PDSS2: variants seen among roughly 807,000 people sequenced by gnomAD.
PDSS2 encodes the protein decaprenyl diphosphate synthase subunit 2, also known as all trans-polyprenyl-diphosphate synthase PDSS2.
Under a neutral mutation model 44.5 loss-of-function variants are expected in PDSS2, and 31 were observed. That is an observed-to-expected ratio of 0.70 (90% CI 0.52 to 0.94). PDSS2 has a LOEUF of 0.94. PDSS2 is among the 40% of genes least tolerant of loss of function. The probability of loss-of-function intolerance (pLI) is 0.00; values close to 1 mark genes in which losing one functional copy is unlikely to be tolerated. For missense variants in PDSS2, 452 were observed against 482.2 expected, an observed-to-expected ratio of 0.94 and a Z score of 0.59; for synonymous variants, 157 against 180.3, an observed-to-expected ratio of 0.87 and a Z score of 1.03.
chr6:107,408,231 T>C (rs143159720), intron 1 of PDSS2, among the ~76,000 whole-genome samples: 437 of 152,252 alleles, frequency 2.9e-3, no homozygotes, highest in African/African-American at 0.01. Context: ...GGTTTCACCA[T>C]GTTGGCTAGG....
In PDSS2 at chr6:107,354,649, C is replaced by T. The variant is rs183547752; in HGVS notation, c.297-20317G>A. Among the ~76,000 whole-genome samples the T allele has an allele frequency of 7.3e-4, 111 of 152,326 alleles. 2 individuals carry two copies. Among genetic ancestry groups the T allele is most frequent in the Middle Eastern group, 3.4e-3 (1 of 294 alleles). On this transcript the variant is annotated intron_variant, in intron 1 of 7. Coordinates refer to ENST00000369037, the MANE Select transcript of PDSS2 (RefSeq NM_020381.4). ...ACCCTGTATCTGGAAGAAAGTCAGTCAGTCAGAAGGGGCTGTACAGTAGGC... is the reference window on the plus strand; with the variant it reads ...ACCCTGTATCTGGAAGAAAGTCAGTTAGTCAGAAGGGGCTGTACAGTAGGC...
intron 7 of PDSS2, among the ~76,000 whole-genome samples, chr6:107,168,989 C>G (rs144310184): frequency 1.3e-5 from 2 of 151,986 alleles, no homozygotes; most frequent in Non-Finnish European, 2.9e-5. Flanking sequence ...ATCTTTGTGG[C>G]GTTCTCTGTA....
At chr6:107,166,016 G>A (rs1262936960) in intron 7 of PDSS2, among the ~76,000 whole-genome samples, 1 of 152,108 alleles carries the variant, frequency 6.6e-6, no homozygotes, top group Non-Finnish European at 1.5e-5. Flanking sequence ...CTTTGATTTT[G>A]TATCCTGAGA....
intron 2 of PDSS2, among the ~76,000 whole-genome samples, chr6:107,298,440 C>T (rs1776582245): frequency 6.6e-6 from 1 of 152,038 alleles, no homozygotes; most frequent in African/African-American, 2.4e-5. Flanking sequence ...AGAGGATGCA[C>T]AGTGGTTATA....
chr6:107,268,352 GTATT>G (rs750450188), intron 3 of PDSS2, among the ~76,000 whole-genome samples: 5 of 151,864 alleles, frequency 3.3e-5, no homozygotes, highest in Non-Finnish European at 5.9e-5. Context: ...TTTGAAATAT[GTATT>G]TATTTCAAAA....
intron 1 of PDSS2, among the ~76,000 whole-genome samples, chr6:107,458,099 G>A (rs746026628): frequency 2.0e-5 from 3 of 152,050 alleles, no homozygotes; most frequent in Admixed American, 6.6e-5. Flanking sequence ...TAAAGAGTAT[G>A]CAAGTGTGTT....
intron 1 of PDSS2, among the ~76,000 whole-genome samples, chr6:107,408,650 G>A (rs770162651): frequency 1.3e-5 from 2 of 152,192 alleles, no homozygotes; most frequent in Non-Finnish European, 2.9e-5. Context: ...AATGAAAGCT[G>A]TGGCAACCTG....
intron 1 of PDSS2, among the ~76,000 whole-genome samples, chr6:107,410,458 A>T (rs1780455182): frequency 6.9e-6 from 1 of 144,272 alleles, no homozygotes; most frequent in Non-Finnish European, 1.5e-5. Context: ...TGTTATATGT[A>T]CTGTCCTCTA....
intron 2 of PDSS2, among the ~76,000 whole-genome samples, chr6:107,299,859 C>T (rs890861867): frequency 6.6e-5 from 10 of 152,132 alleles, no homozygotes; most frequent in Admixed American, 5.9e-4. Flanking sequence ...CTTACTTCAC[C>T]CATACCAGTA....
intron 1 of PDSS2, among the ~76,000 whole-genome samples, chr6:107,345,824 A>G (rs1355579542): frequency 2.0e-5 from 3 of 152,204 alleles, no homozygotes; most frequent in Non-Finnish European, 4.4e-5. Context: ...TCAACATTGA[A>G]TTCAAGGTAG....
chr6:107,443,386 T>C (rs1781567668), intron 1 of PDSS2, among the ~76,000 whole-genome samples: 1 of 152,244 alleles, frequency 6.6e-6, no homozygotes, highest in Admixed American at 6.5e-5. Context: ...TTCCTTTGCT[T>C]TTTAAATACA....
At chr6:107,326,552 A>C (rs1777552903) in intron 2 of PDSS2, among the ~76,000 whole-genome samples, 1 of 152,046 alleles carries the variant, frequency 6.6e-6, no homozygotes, top group Non-Finnish European at 1.5e-5. Flanking sequence ...ATAGGTAATA[A>C]GATAAAAATA....
At chr6:107,388,266 C>A (rs1779671350) in intron 1 of PDSS2, among the ~76,000 whole-genome samples, 1 of 152,120 alleles carries the variant, frequency 6.6e-6, no homozygotes, top group African/African-American at 2.4e-5. Flanking sequence ...GGCAAAGATG[C>A]AGAACAGGAA....
At chr6:107,230,687 T>A (rs1489541765) in intron 4 of PDSS2, among the ~76,000 whole-genome samples, 1 of 151,538 alleles carries the variant, frequency 6.6e-6, no homozygotes, top group East Asian at 1.9e-4. Flanking sequence ...GTTTTTCTCA[T>A]AGTGATGAGA....
In PDSS2 at chr6:107,227,097, G is replaced by A. The variant is rs373872527; in HGVS notation, c.703-14815C>T. Among the ~76,000 whole-genome samples the A allele has an allele frequency of 2.6e-4, 38 of 148,974 alleles. 1 individual carries two copies. The highest frequency in any genetic ancestry group is 7.4e-4 in the African/African-American group (30 of 40,286). On this transcript the variant is annotated intron_variant, in intron 4 of 7. Transcript: ENST00000369037. ...TGGGTTCAAGCGAATCTCCTGCCTC[G>A]GCCTCTCAAGTAGCTTGGATTACAA...
chr6:107,205,026 C>T (rs1442365424), intron 6 of PDSS2, among the ~76,000 whole-genome samples: 2 of 152,124 alleles, frequency 1.3e-5, no homozygotes, highest in East Asian at 1.9e-4. Flanking sequence ...TTTGAAACCA[C>T]TAAAAATGTC....
chr6:107,183,338 A>G (rs1036743492), intron 7 of PDSS2, among the ~76,000 whole-genome samples: 1 of 152,124 alleles, frequency 6.6e-6, no homozygotes, highest in Admixed American at 6.5e-5. Context: ...GGAACAAGAT[A>G]GGAGAGGGCA....
chr6:107,187,442 AT>A (rs1253001743), intron 7 of PDSS2, among the ~76,000 whole-genome samples: 3 of 152,146 alleles, frequency 2.0e-5, no homozygotes, highest in African/African-American at 7.2e-5. Context: ...AGGTGGGCAG[AT>A]CACCTGAGGT....
At chr6:107,306,957 G>T (rs1776879060) in intron 2 of PDSS2, among the ~76,000 whole-genome samples, 1 of 152,272 alleles carries the variant, frequency 6.6e-6, no homozygotes, top group South Asian at 2.1e-4. Context: ...TTTTCACAGA[G>T]ACCTCTAAGA....
Sources: gnomAD v4.1 joint callset for allele counts (sites outside exome capture counted in the v4.1 genomes callset) on GRCh38, gnomAD v4.1.1 for gene constraint, MANE v1.5 for transcripts, NCBI Gene and HGNC (gene_info 2026-07-23, HGNC 2026-07-21) for gene names.